CNTRL: variants seen among roughly 807,000 people sequenced by gnomAD.
CNTRL encodes 110 kDa centrosomal protein.
In CNTRL, 233 loss-of-function variants were observed where a neutral mutation model predicts 303.7. The ratio of observed to expected loss-of-function variants is 0.77; its 90% CI spans 0.69 to 0.86. The LOEUF (loss-of-function observed/expected upper bound fraction) is 0.86. Ranked by LOEUF, CNTRL falls within the 40% of genes least tolerant of loss-of-function variation. The pLI, the probability that CNTRL is intolerant of heterozygous loss-of-function variation, is 0.00. For synonymous variants in CNTRL, 900 were observed against 922.2 expected (o/e 0.98, Z 0.44); for missense variants, 2,524 against 2,650.6 (o/e 0.95, Z 1.05).
At chr9:121,110,855 T>C (rs2049715852) in intron 8 of CNTRL, among the ~76,000 whole-genome samples, 1 of 152,154 alleles carries the variant, frequency 6.6e-6, no homozygotes, top group Non-Finnish European at 1.5e-5. Flanking sequence ...TTGACATCTA[T>C]TTTGCTTTTA....
intron 35 of CNTRL, among the ~76,000 whole-genome samples, chr9:121,165,789 C>T (rs1350309134): frequency 6.6e-6 from 1 of 152,128 alleles, no homozygotes; most frequent in Non-Finnish European, 1.5e-5. Context: ...TCCCAAATTG[C>T]CTTCCTGAAA....
At position 121,177,458 on chromosome 9, in the gene CNTRL, A is replaced by AC. The variant is rs1491267104; in HGVS notation, c.*273dup. ...ATCTTCGTAACATGTTTAAAAAAAA[A>AC]CAGTGATTTTAACTGCATATTTGAA... On this transcript the variant is annotated 3_prime_UTR_variant, in exon 44 of 44. Coordinates refer to ENST00000373855, the MANE Select transcript of CNTRL (RefSeq NM_007018.6). The AC allele has an allele frequency of 2.7e-6, 1 of 370,890 alleles. No homozygotes were observed. The highest frequency in any genetic ancestry group is 4.8e-6 in the Non-Finnish European group (1 of 209,784). The allele number at this position is 370,890 out of a possible 1,614,324, so 23.0% of individuals were successfully genotyped here. A position where few individuals can be genotyped will look rare whatever the true frequency, so the allele number is the denominator to read the frequency against.
In CNTRL at chr9:121,140,716, C is replaced by T. The variant is rs149200288; in HGVS notation, c.2413C>T (p.Arg805Cys). 7 of 1,613,354 alleles carry T rather than the reference C, an allele frequency of 4.3e-6. No individual in the cohort carries two copies. Among genetic ancestry groups the T allele is most frequent in the African/African-American group, 2.7e-5 (2 of 74,982 alleles). Residue 805 changes from arginine to cysteine, a missense_variant, in exon 17 of 44, where the codon CGT (arginine) becomes TGT (cysteine). Physicochemically the swap from Arg to Cys is radical, Grantham distance 180 (BLOSUM62 -3). Transcript: ENST00000373855. ...TAACCATGTGGTTGATGGTTTGGTT[C>T]GTCCAGAAGAAGTGGCAGCTCGTGT... ...HLNHVVDGLV[R>C]PEEVAARVDE...
chr9:121,140,842 T>G (rs2051469862), intron 17 of CNTRL, 56 bp downstream of exon 17: 1 of 1,542,848 alleles, frequency 6.5e-7, no homozygotes, highest in Admixed American at 1.9e-5. Context: ...TTGAGAGTTG[T>G]GAGTGTGAGG....
intron 16 of CNTRL, 65 bp downstream of exon 16, chr9:121,138,744 T>C: frequency 6.5e-7 from 1 of 1,544,364 alleles, no homozygotes; most frequent in Non-Finnish European, 8.8e-7. Flanking sequence ...ATATCTTTAG[T>C]CAGGCACTTA....
Position 121,169,697 on chromosome 9 carries a change from G to A in CNTRL, c.6157G>A (p.Ala2053Thr), listed in dbSNP as rs746968144. The A allele has an allele frequency of 1.9e-6, 3 of 1,614,168 alleles. No homozygotes were observed. Among genetic ancestry groups the A allele is most frequent in the Admixed American group, 3.3e-5 (2 of 60,024 alleles). ...CCAGAAAGAGGCAGATTCTATGAGG[G>A]CAGACTTCAGCCTTCTGCGGAACCA... ...ALQKEADSMRADFSLLRNQFL... is the reference protein window; with the variant it reads ...ALQKEADSMRTDFSLLRNQFL... The change falls in exon 39 of 44, where the codon GCA (alanine) becomes ACA (threonine). Residue 2053 changes from alanine to threonine, a missense_variant. Physicochemically the swap from Ala to Thr is moderately conservative, Grantham distance 58 (BLOSUM62 0). Transcript: ENST00000373855.
At chr9:121,177,119 C>G (rs538777463) in intron 43 of CNTRL, 44 bp from the exon 44 acceptor site, 4 of 1,556,790 alleles carry the variant, frequency 2.6e-6, no homozygotes, top group Admixed American at 3.4e-5. Context: ...ACTGTTTTTA[C>G]TGTTTCAAGA....
chr9:121,172,251 T>C (rs1487936564), intron 40 of CNTRL, among the ~76,000 whole-genome samples: 1 of 152,244 alleles, frequency 6.6e-6, no homozygotes, highest in Non-Finnish European at 1.5e-5. Context: ...GGTAAGGCAA[T>C]TAGCAGTAGG....
Position 121,115,138 on chromosome 9 carries a change from C to T in CNTRL, c.1393C>T (p.Gln465Ter). The T allele has an allele frequency of 6.2e-7, 1 of 1,610,184 alleles. No individual in the cohort carries two copies. Among genetic ancestry groups the T allele is most frequent in the Admixed American group, 1.7e-5 (1 of 59,504 alleles). Reference sequence around the variant, plus strand: ...GCATGATGAAATAGAAAAGGCAGAACAACAAATTTTGAGAGCTACTGAAGA... The same window carrying T: ...GCATGATGAAATAGAAAAGGCAGAATAACAAATTTTGAGAGCTACTGAAGA... ...ELHDEIEKAE[Q>*]QILRATEEFK... Residue 465 changes from glutamine (Q) to a stop codon, truncating the protein, a stop_gained, in exon 11 of 44, where the codon CAA becomes TAA. Coordinates refer to ENST00000373855, the MANE Select transcript of CNTRL (RefSeq NM_007018.6). LOFTEE classifies it high-confidence loss of function.
Position 121,140,707 on chromosome 9 carries a change from G to A in CNTRL, c.2404G>A (p.Gly802Ser), listed in dbSNP as rs2051457983. 1 of 1,613,670 alleles carries A rather than the reference G, an allele frequency of 6.2e-7. No individual in the cohort carries two copies. The change falls in exon 17 of 44, where the codon GGT becomes AGT. Residue 802 changes from glycine (G) to serine (S), a missense_variant. Gly to Ser is a moderately conservative substitution (Grantham distance 56). Transcript: ENST00000373855. Reference sequence around the variant, plus strand: ...GAATCACCTTAACCATGTGGTTGATGGTTTGGTTCGTCCAGAAGAAGTGGC... The same window carrying A: ...GAATCACCTTAACCATGTGGTTGATAGTTTGGTTCGTCCAGAAGAAGTGGC... ...FQNHLNHVVD[G>S]LVRPEEVAAR...
intron 35 of CNTRL, among the ~76,000 whole-genome samples, chr9:121,165,413 T>C (rs1352451381): frequency 6.6e-6 from 1 of 152,158 alleles, no homozygotes; most frequent in Non-Finnish European, 1.5e-5. Flanking sequence ...CATAGATTCC[T>C]AGTAACAGTT....
At chr9:121,092,542 T>A (rs377264649) in intron 4 of CNTRL, among the ~76,000 whole-genome samples, 6 of 16,920 alleles carry the variant, frequency 3.5e-4, no homozygotes, top group African/African-American at 1.4e-3. Flanking sequence ...TCTATATATA[T>A]TATATATATC....
intron 37 of CNTRL, 69 bp from the exon 38 acceptor site, chr9:121,168,027 C>G: frequency 1.5e-6 from 2 of 1,324,866 alleles, no homozygotes; most frequent in Non-Finnish European, 2.1e-6. Flanking sequence ...GAATCTGTCT[C>G]ATGTCCATGC....
chr9:121,144,722 C>G (rs1015359605), intron 20 of CNTRL, 121 bp from the exon 21 acceptor site: 2 of 802,082 alleles, frequency 2.5e-6, no homozygotes, highest in African/African-American at 1.7e-5. Flanking sequence ...CTTGGATGTC[C>G]CTTTTCATGG....
chr9:121,136,866 G>A (rs573788711), intron 15 of CNTRL, among the ~76,000 whole-genome samples: 1 of 152,310 alleles, frequency 6.6e-6, no homozygotes, highest in African/African-American at 2.4e-5. Flanking sequence ...AAGAAAGAAA[G>A]GGACAGGATT....
At chr9:121,082,729 T>A (rs888566882) in intron 2 of CNTRL, among the ~76,000 whole-genome samples, 1 of 152,122 alleles carries the variant, frequency 6.6e-6, no homozygotes, top group Admixed American at 6.5e-5. Flanking sequence ...CCCAGCACTT[T>A]GGGAGGCCAA....
At chr9:121,090,447 C>G in intron 4 of CNTRL, 42 bp downstream of exon 4, 1 of 1,569,422 alleles carries the variant, frequency 6.4e-7, no homozygotes, top group Non-Finnish European at 8.6e-7. Context: ...CTGTTTTTAA[C>G]TTTTCTGTGC....
At chr9:121,076,198 A>T (rs2047917072) in intron 1 of CNTRL, among the ~76,000 whole-genome samples, 2 of 152,252 alleles carry the variant, frequency 1.3e-5, no homozygotes, top group African/African-American at 4.8e-5. Context: ...TGCAGAGATC[A>T]TGGGTAATAG....
At chr9:121,088,230 C>A in intron 2 of CNTRL, 66 bp from the exon 3 acceptor site, 1 of 774,424 alleles carries the variant, frequency 1.3e-6, no homozygotes, top group Non-Finnish European at 2.1e-6. Flanking sequence ...CCTGAAGGTT[C>A]TAGAAAGAAT....
Sources: allele counts gnomAD v4.1 joint callset (sites outside exome capture counted in the v4.1 genomes callset), GRCh38; gene constraint gnomAD v4.1.1; transcripts MANE v1.5; gene names NCBI Gene and HGNC (gene_info 2026-07-23, HGNC 2026-07-21).